Variants in PAXIP1 observed in about 807,000 individuals in gnomAD.
The protein encoded by PAXIP1 is PAX interacting protein 1.
A neutral mutation model predicts 140.6 loss-of-function variants in PAXIP1; 19 were observed. The ratio of observed to expected loss-of-function variants is 0.14; its 90% CI spans 0.09 to 0.20. The LOEUF (loss-of-function observed/expected upper bound fraction) is 0.20. Ranked by LOEUF, PAXIP1 falls within the 10% of genes least tolerant of loss-of-function variation. PAXIP1 has a pLI of 1.00. For synonymous variants in PAXIP1, 442 were observed against 444.6 expected, an observed-to-expected ratio of 0.99 and a Z score of 0.07; for missense variants, 920 against 1,208.6, an observed-to-expected ratio of 0.76 and a Z score of 3.54.
chr7:154,968,545 C>CT lies in PAXIP1; in HGVS notation c.1655dup (p.Thr553AspfsTer43). 1 of 742,956 alleles carries CT rather than the reference C, an allele frequency of 1.3e-6. No homozygotes were observed. The highest frequency in any genetic ancestry group is 2.4e-6 in the Non-Finnish European group (1 of 408,714). 46.0% of individuals were successfully genotyped at this position (742,956 alleles called of 1,614,324 possible). ...ACGTCTGACTCAAGTGTGGCGCTGTCTGACTTTGCATCTGCTGCTGCTGCT... is the reference window on the plus strand; with the variant it reads ...ACGTCTGACTCAAGTGTGGCGCTGTCTTGACTTTGCATCTGCTGCTGCTGCT... On this transcript the variant is annotated frameshift_variant, in exon 7 of 21. Transcript: ENST00000404141. LOFTEE classifies it high-confidence loss of function.
At chr7:154,985,809 A>C (rs755229156) in intron 4 of PAXIP1, among the ~76,000 whole-genome samples, 10 of 152,166 alleles carry the variant, frequency 6.6e-5, no homozygotes, top group Non-Finnish European at 1.3e-4. Flanking sequence ...ATGAACTCTA[A>C]CACTCCTTCT....
chr7:154,944,280 T>C (rs905407207), intron 20 of PAXIP1, 116 bp from the exon 21 acceptor site: 8 of 873,288 alleles, frequency 9.2e-6, no homozygotes, highest in Non-Finnish European at 1.4e-5. Flanking sequence ...TGCTACAGCC[T>C]CTTTCTTACC....
chr7:154,952,925 T>C (rs1042469840), intron 16 of PAXIP1, among the ~76,000 whole-genome samples: 4 of 152,220 alleles, frequency 2.6e-5, no homozygotes, highest in African/African-American at 7.2e-5. Context: ...AGCTTTGCTA[T>C]AAACAGCAAT....
chr7:154,965,103 G>A (rs1248052664), intron 8 of PAXIP1: 1 of 152,250 alleles, frequency 6.6e-6, no homozygotes, highest in African/African-American at 2.4e-5. Context: ...CCATAACTCA[G>A]TCACAAAAGA....
chr7:154,947,397 C>T (rs1808034727), intron 17 of PAXIP1: 1 of 155,552 alleles, frequency 6.4e-6, no homozygotes, highest in Admixed American at 6.3e-5. Flanking sequence ...TATTGATTTA[C>T]TTAGTTCTTT....
intron 6 of PAXIP1, among the ~76,000 whole-genome samples, chr7:154,970,229 C>T (rs1809235716): frequency 6.6e-6 from 1 of 152,146 alleles, no homozygotes; most frequent in Non-Finnish European, 1.5e-5. Flanking sequence ...AACTTTTAAC[C>T]CTATTAAAAG....
chr7:154,987,177 C>G (rs767404251), intron 4 of PAXIP1, among the ~76,000 whole-genome samples: 5 of 152,208 alleles, frequency 3.3e-5, no homozygotes, highest in African/African-American at 4.8e-5. Context: ...CCAAGATCTA[C>G]TTAGACCCCT....
rs753654243 is a variant in PAXIP1 at position 154,962,351 on chromosome 7, G to C, written c.2097C>G (p.Phe699Leu). The C allele has an allele frequency of 1.1e-5, 17 of 1,613,936 alleles. No individual in the cohort carries two copies. Among genetic ancestry groups the C allele is most frequent in the Non-Finnish European group, 1.4e-5 (17 of 1,179,860 alleles). ...GTGAACATGGCTTTCCTCCTGGTGG[G>C]AAGGCCACTGGGAAGTGAAGGGCTC... is the stretch of plus-strand genomic sequence containing the variant. ...PHRALHFPVA[F>L]PPGGKPCSQH... Residue 699 changes from phenylalanine (F) to leucine (L), a missense_variant, in exon 10 of 21, where the codon TTC becomes TTG. Around this residue, in one of 5 missense-constraint regions of PAXIP1, gnomAD observed 303 missense variants for 517.9 expected, o/e 0.59. Transcript: ENST00000404141.
intron 16 of PAXIP1, chr7:154,948,227 A>G (rs1473056344): frequency 1.3e-5 from 7 of 518,964 alleles, no homozygotes; most frequent in South Asian, 2.3e-5. Context: ...ATCAGTGGTA[A>G]TTAACCATTT....
chr7:154,996,544 T>G (rs556293577), intron 2 of PAXIP1, among the ~76,000 whole-genome samples: 3 of 152,318 alleles, frequency 2.0e-5, no homozygotes, highest in African/African-American at 7.2e-5. Context: ...GAAGGAAGAC[T>G]GCTTTGTTTA....
chr7:154,978,048 T>C (rs1444501130), intron 5 of PAXIP1, among the ~76,000 whole-genome samples: 1 of 151,806 alleles, frequency 6.6e-6, no homozygotes, highest in Non-Finnish European at 1.5e-5. Context: ...TAACTGGCAA[T>C]CTTTTACAAA....
At chr7:154,975,412 C>T (rs1809524319) in intron 6 of PAXIP1, among the ~76,000 whole-genome samples, 1 of 152,294 alleles carries the variant, frequency 6.6e-6, no homozygotes, top group African/African-American at 2.4e-5. Flanking sequence ...AACCCTTCAA[C>T]GGATAGTACT....
Position 154,944,058 on chromosome 7 carries a change from A to G in PAXIP1, c.*91T>C. 1 of 1,210,934 alleles carries G rather than the reference A, an allele frequency of 8.3e-7. No individual in the cohort carries two copies. Among genetic ancestry groups the G allele is most frequent in the African/African-American group, 1.5e-5 (1 of 67,200 alleles). The allele number at this position is 1,210,934 out of a possible 1,614,324, so 75.0% of individuals were successfully genotyped here. Reference sequence around the variant, plus strand: ...CCCCCAGGAAAGCAGCTGGAAAACAAGAGCATGTGAAGGAAGCGCAGCAGC... The same window carrying G: ...CCCCCAGGAAAGCAGCTGGAAAACAGGAGCATGTGAAGGAAGCGCAGCAGC... On this transcript the variant is annotated 3_prime_UTR_variant, in exon 21 of 21. Coordinates refer to ENST00000404141, the MANE Select transcript of PAXIP1 (RefSeq NM_007349.4).
At position 154,975,959 on chromosome 7, in the gene PAXIP1, C is replaced by A. The variant is rs368471881; in HGVS notation, c.811G>T (p.Val271Phe). The A allele has an allele frequency of 3.1e-6, 5 of 1,613,736 alleles. No individual in the cohort carries two copies. In the African/African-American group the frequency reaches 6.7e-5, roughly 22 times the overall value. Residue 271 changes from valine to phenylalanine, a missense_variant, in exon 6 of 21, where the codon GTC (valine) becomes TTC (phenylalanine). Val to Phe is a conservative substitution (Grantham distance 50). Transcript: ENST00000404141. ...CGTTTTGCTGCAGCTAACTGTGGGA[C>A]TTCGGCCGGGGTCCAGTTTAAATTT... ...ERNLNWTPAE[V>F]PQLAAAKRRL...
Position 154,963,950 on chromosome 7 carries a change from T to C in PAXIP1, c.1894-184A>G. 1.8e-6 allele frequency: 1 copy of C among 569,286 alleles called. No homozygotes were observed. Among genetic ancestry groups the C allele is most frequent in the South Asian group, 2.1e-5 (1 of 48,218 alleles). The allele number at this position is 569,286 out of a possible 1,614,324, so 35.3% of individuals were successfully genotyped here. On this transcript the variant is annotated intron_variant, in intron 8 of 20. Coordinates refer to ENST00000404141, the MANE Select transcript of PAXIP1 (RefSeq NM_007349.4). This position sits in a 1 kb window ranked among gnomAD's most constrained non-coding sequence, Gnocchi z 4.1. ...TCTACCCAGCACCATACAATGAAAA[T>C]GAACTCCAATACTCTAAATTTAATC... is the stretch of plus-strand genomic sequence containing the variant.
intron 16 of PAXIP1, 177 bp from the exon 17 acceptor site, chr7:154,948,180 C>T: frequency 1.7e-6 from 1 of 579,622 alleles, no homozygotes; most frequent in Non-Finnish European, 3.1e-6. Flanking sequence ...CTAAAAACAG[C>T]CAGACCAAAA....
At chr7:154,995,225 G>A (rs1017211810) in intron 2 of PAXIP1, among the ~76,000 whole-genome samples, 1 of 152,220 alleles carries the variant, frequency 6.6e-6, no homozygotes, top group Non-Finnish European at 1.5e-5. Flanking sequence ...CCTGTGTAAA[G>A]TGGGAGGGGC....
chr7:154,966,052 C>T (rs1179326195), intron 8 of PAXIP1, among the ~76,000 whole-genome samples: 1 of 152,188 alleles, frequency 6.6e-6, no homozygotes, highest in Non-Finnish European at 1.5e-5. Context: ...TCAAATGCCT[C>T]ATTTCCTGGC....
At chr7:154,990,037 CTTTTTTT>C (rs749788206) in intron 4 of PAXIP1, among the ~76,000 whole-genome samples, 16 of 109,948 alleles carry the variant, frequency 1.5e-4, no homozygotes, top group Admixed American at 2.2e-4. Flanking sequence ...ATAAGTTTCT[CTTTTTTT>C]TTTTTTTTTT....
Sources: gnomAD v4.1 joint callset for allele counts (sites outside exome capture counted in the v4.1 genomes callset) on GRCh38, gnomAD v4.1.1 for gene constraint, gnomAD v4.1.1 regional missense constraint, Gnocchi (gnomAD v3.1) non-coding constraint, MANE v1.5 for transcripts, NCBI Gene and HGNC (gene_info 2026-07-23, HGNC 2026-07-21) for gene names.